LDLRAD4: variants seen among roughly 807,000 people sequenced by gnomAD.
The protein encoded by LDLRAD4 is low density lipoprotein receptor class A domain containing 4, also known as low-density lipoprotein receptor class A domain-containing protein 4.
A neutral mutation model predicts 17.0 loss-of-function variants in LDLRAD4; 5 were observed. The observed-to-expected ratio is 0.29, with a 90% CI of 0.15 to 0.62. The LOEUF (loss-of-function observed/expected upper bound fraction) is 0.62, where lower values mean the gene tolerates loss of function less well. Among genes scored for constraint, LDLRAD4 ranks in the 20% least tolerant of loss-of-function variants. The pLI is 0.84. For missense variants in LDLRAD4, 340 were observed against 424.7 expected, an observed-to-expected ratio of 0.80 and a Z score of 1.75; for synonymous variants, 168 against 171.8, an observed-to-expected ratio of 0.98 and a Z score of 0.17.
At chr18:13,522,202 C>T (rs2093963110) in intron 3 of LDLRAD4, 1 of 152,038 alleles carries the variant, frequency 6.6e-6, no homozygotes, top group African/African-American at 2.4e-5. Flanking sequence ...ACTTCTTGCT[C>T]TCTGGACAAG....
intron 3 of LDLRAD4, among the ~76,000 whole-genome samples, chr18:13,596,465 T>G (rs2095096907): frequency 6.6e-6 from 1 of 152,194 alleles, no homozygotes; most frequent in Non-Finnish European, 1.5e-5. Flanking sequence ...AGTTATTTTC[T>G]TAATGGTTGC....
Position 13,621,368 on chromosome 18 carries a change from T to C in LDLRAD4, c.336+97T>C, listed in dbSNP as rs1353724342. The C allele has an allele frequency of 6.4e-6, 6 of 936,854 alleles. No individual in the cohort carries two copies. Among genetic ancestry groups the C allele is most frequent in the Non-Finnish European group, 1.0e-5 (6 of 599,146 alleles). 58.0% of individuals were successfully genotyped at this position (936,854 alleles called of 1,614,324 possible). A position where few individuals can be genotyped will look rare whatever the true frequency, so the allele number is the denominator to read the frequency against. On this transcript the variant is annotated intron_variant, in intron 4 of 5. Transcript: ENST00000359446. This position sits in a 1 kb window ranked among gnomAD's most constrained non-coding sequence, Gnocchi z 5.5. The stretch of plus-strand genomic sequence containing the variant: ...AGGCCGGGAGTGCTTTCAGTTGACA[T>C]GTAACAAACGGGGCGAAGCGCACCT...
At chr18:13,370,632 T>C (rs1214384620) in intron 1 of LDLRAD4, among the ~76,000 whole-genome samples, 2 of 152,022 alleles carry the variant, frequency 1.3e-5, no homozygotes, top group Admixed American at 6.5e-5. Context: ...AAATGCTCCA[T>C]GGAGACTGCC....
intron 3 of LDLRAD4, among the ~76,000 whole-genome samples, chr18:13,569,563 GAAACGAATGATTGTACC>G (rs1359019254): frequency 6.6e-6 from 1 of 152,160 alleles, no homozygotes; most frequent in African/African-American, 2.4e-5. Flanking sequence ...CCTTTTGATA[GAAACGAATGATTGTACC>G]AACAACTTAA....
chr18:13,528,823 A>T (rs1365041413), intron 3 of LDLRAD4, among the ~76,000 whole-genome samples: 1 of 152,184 alleles, frequency 6.6e-6, no homozygotes, highest in Admixed American at 6.5e-5. Flanking sequence ...CAACTGTAGG[A>T]TACATGACTC....
At chr18:13,313,823 C>CG (rs33937117) in intron 1 of LDLRAD4, among the ~76,000 whole-genome samples, 11 of 151,836 alleles carry the variant, frequency 7.2e-5, no homozygotes, top group East Asian at 1.9e-4. Context: ...CAGCCGTGTG[C>CG]GGGGGGGTGC....
intron 3 of LDLRAD4, among the ~76,000 whole-genome samples, chr18:13,531,789 A>G (rs1159552380): frequency 6.6e-6 from 1 of 151,560 alleles, no homozygotes; most frequent in Non-Finnish European, 1.5e-5. Flanking sequence ...TCCTTAGAGA[A>G]CTCTGGGGTT....
intron 1 of LDLRAD4, 124 bp downstream of exon 1, chr18:13,219,112 G>C (rs1220918211): frequency 6.8e-6 from 1 of 147,596 alleles, no homozygotes; most frequent in East Asian, 2.0e-4. Flanking sequence ...AAGGTTTCCC[G>C]ATGAGGCAGA....
intron 3 of LDLRAD4, chr18:13,489,025 A>C (rs2093301145): frequency 6.6e-6 from 1 of 152,166 alleles, no homozygotes; most frequent in Non-Finnish European, 1.5e-5. Context: ...GGGCAGACTC[A>C]AGAGAGCCAC....
chr18:13,627,950 G>A (rs1000477467), intron 4 of LDLRAD4, among the ~76,000 whole-genome samples: 3 of 152,186 alleles, frequency 2.0e-5, no homozygotes, highest in Non-Finnish European at 4.4e-5. Flanking sequence ...TATGTGACGA[G>A]TGCCTTTCTC....
intron 3 of LDLRAD4, chr18:13,488,137 G>A (rs759135505): frequency 2.0e-5 from 3 of 152,432 alleles, no homozygotes; most frequent in Admixed American, 1.3e-4. Context: ...GACTTCCAGG[G>A]ACAGCCTTGG....
intron 2 of LDLRAD4, among the ~76,000 whole-genome samples, chr18:13,407,731 G>A (rs970302805): frequency 6.6e-6 from 1 of 152,224 alleles, no homozygotes; most frequent in Non-Finnish European, 1.5e-5. Context: ...AGCTGATAGG[G>A]CAGTGGAACC....
At chr18:13,470,135 C>T (rs561587538) in intron 3 of LDLRAD4, among the ~76,000 whole-genome samples, 93 of 152,118 alleles carry the variant, frequency 6.1e-4, no homozygotes, top group Admixed American at 4.2e-3. Context: ...AGCGATAGAC[C>T]GTGTGGAAAT....
At chr18:13,426,165 C>T (rs1006835374) in intron 2 of LDLRAD4, 1 of 152,524 alleles carries the variant, frequency 6.6e-6, no homozygotes, top group Non-Finnish European at 1.5e-5. Context: ...GGGATTTTAT[C>T]AGCCAGTGTT....
intron 1 of LDLRAD4, among the ~76,000 whole-genome samples, chr18:13,230,996 G>T (rs1286617985): frequency 1.3e-5 from 2 of 152,176 alleles, no homozygotes; most frequent in African/African-American, 4.8e-5. Flanking sequence ...CATGCTCGGC[G>T]CAGGGGGACC....
chr18:13,397,045 C>G (rs1412024640), intron 2 of LDLRAD4, among the ~76,000 whole-genome samples: 1 of 152,250 alleles, frequency 6.6e-6, no homozygotes, highest in South Asian at 2.1e-4. Context: ...GCCCATTTCA[C>G]ACGAGGGTTC....
chr18:13,593,539 T>G (rs2095054172), intron 3 of LDLRAD4, among the ~76,000 whole-genome samples: 1 of 152,044 alleles, frequency 6.6e-6, no homozygotes, highest in South Asian at 2.1e-4. Context: ...TTCTATTTTG[T>G]TTATTTACTT....
upstream of LDLRAD4, among the ~76,000 whole-genome samples, chr18:13,275,362 A>G (rs1245909026): frequency 6.6e-6 from 1 of 152,242 alleles, no homozygotes; most frequent in East Asian, 1.9e-4. Flanking sequence ...GTAAAATGAA[A>G]TCAGTGCTGG....
chr18:13,536,201 C>G (rs1343013964), intron 3 of LDLRAD4, among the ~76,000 whole-genome samples: 1 of 152,150 alleles, frequency 6.6e-6, no homozygotes, highest in East Asian at 1.9e-4. Context: ...TTAATTGCAG[C>G]TGCACTGAAT....
Sources: gnomAD v4.1 joint callset for allele counts (sites outside exome capture counted in the v4.1 genomes callset) on GRCh38, gnomAD v4.1.1 for gene constraint, Gnocchi (gnomAD v3.1) non-coding constraint, MANE v1.5 for transcripts, NCBI Gene and HGNC (gene_info 2026-07-23, HGNC 2026-07-21) for gene names.